The following CAMK2D variants were observed in gnomAD, a reference collection of about 807,000 sequenced individuals.
CAMK2D encodes the protein calcium/calmodulin dependent protein kinase II delta.
CAMK2D carries 37 observed loss-of-function variants against 84.0 expected under a neutral mutation model. The observed-to-expected ratio is 0.44, with a 90% confidence interval of 0.34 to 0.58. The LOEUF is 0.58. Ranked by LOEUF, CAMK2D falls within the 20% of genes least tolerant of loss-of-function variation. The pLI is 0.02. For synonymous variants in CAMK2D, 202 were observed against 212.5 expected, an observed-to-expected ratio of 0.95 and a Z score of 0.43; for missense variants, 448 against 652.5, an observed-to-expected ratio of 0.69 and a Z score of 3.41.
intron 2 of CAMK2D, among the ~76,000 whole-genome samples, chr4:113,708,657 C>G (rs2099472560): frequency 6.6e-6 from 1 of 152,176 alleles, no homozygotes; most frequent in African/African-American, 2.4e-5. Flanking sequence ...AGTCTACACT[C>G]TACTCATAAA....
intron 15 of CAMK2D, among the ~76,000 whole-genome samples, chr4:113,500,748 G>A (rs2154149996): frequency 6.6e-6 from 1 of 152,178 alleles, no homozygotes; most frequent in East Asian, 1.9e-4. Flanking sequence ...TATAAATCCA[G>A]GTGATTTGTA....
At chr4:113,592,993 A>G (rs1471378770) in intron 4 of CAMK2D, among the ~76,000 whole-genome samples, 1 of 152,046 alleles carries the variant, frequency 6.6e-6, no homozygotes, top group African/African-American at 2.4e-5. Context: ...AGCTGGGATT[A>G]CAGGTGTGTG....
In CAMK2D at chr4:113,509,685, G is replaced by A. The variant is rs148322128; in HGVS notation, c.947-10C>T. The A allele has an allele frequency of 1.2e-6, 2 of 1,603,674 alleles. No homozygotes were observed. The highest frequency in any genetic ancestry group is 2.7e-5 in the African/African-American group (2 of 74,842). On this transcript the variant is annotated splice_polypyrimidine_tract_variant and intron_variant, in intron 12 of 20. Transcript: ENST00000511664. ...AACAAACTCTTGGCTGCTGTAAAAT[G>A]AGAGTAAAATCAGTTTAGTGAGTTA...
chr4:113,635,026 A>T (rs960804676), intron 3 of CAMK2D, among the ~76,000 whole-genome samples: 2 of 152,218 alleles, frequency 1.3e-5, no homozygotes, highest in African/African-American at 4.8e-5. Flanking sequence ...ATGAGAGGTT[A>T]TCAACAAAAA....
intron 4 of CAMK2D, among the ~76,000 whole-genome samples, chr4:113,593,439 CT>C (rs75473626): frequency 0.04 from 6,066 of 152,202 alleles, 356 homozygotes; most frequent in East Asian, 0.19. Context: ...AAAACATAAA[CT>C]TTTAACTGAT....
At chr4:113,698,574 A>G (rs576192427) in intron 2 of CAMK2D, among the ~76,000 whole-genome samples, 1 of 152,234 alleles carries the variant, frequency 6.6e-6, no homozygotes, top group South Asian at 2.1e-4. Flanking sequence ...TTGTATTTTA[A>G]TTTAAAATAT....
At chr4:113,583,470 C>G (rs1328951581) in intron 4 of CAMK2D, among the ~76,000 whole-genome samples, 2 of 152,108 alleles carry the variant, frequency 1.3e-5, no homozygotes, top group African/African-American at 4.8e-5. Context: ...ACTGTAGCAG[C>G]CTTATGAGTT....
At chr4:113,628,676 A>G (rs551921389) in intron 3 of CAMK2D, among the ~76,000 whole-genome samples, 1 of 152,282 alleles carries the variant, frequency 6.6e-6, no homozygotes, top group South Asian at 2.1e-4. Context: ...AACGGGTATA[A>G]AAGAAAGTCT....
At chr4:113,671,623 T>C (rs2099285229) in intron 2 of CAMK2D, among the ~76,000 whole-genome samples, 1 of 152,228 alleles carries the variant, frequency 6.6e-6, no homozygotes, top group Admixed American at 6.5e-5. Flanking sequence ...AACATACATG[T>C]AGTTTAGGTT....
Position 113,657,476 on chromosome 4 carries a change from G to A in CAMK2D, c.220+4237C>T, listed in dbSNP as rs1317196445. Reference sequence around the variant, plus strand: ...AGACCATTTTCATGATATATCTAAAGGGGTATGAAAATGCACACAAGAGAA... The same window carrying A: ...AGACCATTTTCATGATATATCTAAAAGGGTATGAAAATGCACACAAGAGAA... On this transcript the variant is annotated intron_variant, in intron 3 of 20. Coordinates refer to ENST00000511664, the MANE Select transcript of CAMK2D (RefSeq NM_001321571.2). Among the ~76,000 whole-genome samples, 3 of 152,058 alleles carry A rather than the reference G, an allele frequency of 2.0e-5. No individual in the cohort carries two copies. The East Asian group carries it at 5.8e-4, about 29-fold the overall frequency.
At chr4:113,622,476 A>T (rs1197816887) in intron 3 of CAMK2D, among the ~76,000 whole-genome samples, 1 of 152,158 alleles carries the variant, frequency 6.6e-6, no homozygotes, top group Non-Finnish European at 1.5e-5. Context: ...TAGGAAAAAA[A>T]TAATATAGCT....
At chr4:113,559,193 G>C (rs566432910) in intron 4 of CAMK2D, among the ~76,000 whole-genome samples, 2 of 152,040 alleles carry the variant, frequency 1.3e-5, no homozygotes, top group Non-Finnish European at 2.9e-5. Context: ...TAAAAGAATA[G>C]AGAAGTCCAT....
intron 3 of CAMK2D, among the ~76,000 whole-genome samples, 198 bp from the exon 4 acceptor site, chr4:113,609,404 T>C (rs970587498): frequency 4.6e-5 from 7 of 152,144 alleles, no homozygotes; most frequent in African/African-American, 2.4e-5. Context: ...TTCTGAAAAC[T>C]GGTAACTATG....
At chr4:113,482,431 T>C (rs1352200533) in intron 16 of CAMK2D, among the ~76,000 whole-genome samples, 3 of 152,144 alleles carry the variant, frequency 2.0e-5, no homozygotes, top group Non-Finnish European at 2.9e-5. Flanking sequence ...CACTAGAATA[T>C]AACATAGTCA....
At chr4:113,754,244 A>G (rs1413508508) in intron 2 of CAMK2D, 1 of 976,500 alleles carries the variant, frequency 1.0e-6, no homozygotes, top group Non-Finnish European at 1.2e-6. Context: ...CACTGCATAC[A>G]TTACACCCTA....
chr4:113,610,973 G>A (rs2098997639), intron 3 of CAMK2D, among the ~76,000 whole-genome samples: 1 of 151,712 alleles, frequency 6.6e-6, no homozygotes, highest in Non-Finnish European at 1.5e-5. Context: ...AATTGTTTTT[G>A]AGCATTTACT....
intron 2 of CAMK2D, among the ~76,000 whole-genome samples, chr4:113,672,370 A>T (rs2099292103): frequency 6.6e-6 from 1 of 152,168 alleles, no homozygotes; most frequent in Non-Finnish European, 1.5e-5. Context: ...TCCTATTAAG[A>T]TACTGTAAGT....
chr4:113,503,226 A>C (rs552218367), intron 14 of CAMK2D: 89 of 698,186 alleles, frequency 1.3e-4, no homozygotes, highest in Admixed American at 8.9e-4. Flanking sequence ...TCAGCATTCA[A>C]ACAAGGCTTT....
chr4:113,458,430 T>A (rs1439256771), intron 18 of CAMK2D, among the ~76,000 whole-genome samples: 1 of 152,210 alleles, frequency 6.6e-6, no homozygotes, highest in Non-Finnish European at 1.5e-5. Flanking sequence ...TCAGAAAACA[T>A]CTATTCAAAT....
Sources: allele counts gnomAD v4.1 joint callset (sites outside exome capture counted in the v4.1 genomes callset), GRCh38; gene constraint gnomAD v4.1.1; transcripts MANE v1.5; gene names NCBI Gene and HGNC (gene_info 2026-07-23, HGNC 2026-07-21).